Variants in EYA4 observed in about 807,000 individuals in gnomAD.
EYA4 encodes protein phosphatase EYA4.
A neutral mutation model predicts 87.9 loss-of-function variants in EYA4; 31 were observed. The observed-to-expected ratio is 0.35, with a 90% CI of 0.27 to 0.48. EYA4 has a LOEUF of 0.48. Ranked by LOEUF, EYA4 falls within the 20% of genes least tolerant of loss-of-function variation. The pLI is 0.99. For missense variants in EYA4, 678 were observed against 761.4 expected, an observed-to-expected ratio of 0.89 and a Z score of 1.29; for synonymous variants, 263 against 270.6, an observed-to-expected ratio of 0.97 and a Z score of 0.28.
In EYA4 at chr6:133,483,190, A is replaced by G. The variant is rs188098455; in HGVS notation, c.1191+75A>G. The G allele has an allele frequency of 3.2e-4, 366 of 1,134,208 alleles. 3 individuals are homozygous for G. The South Asian group carries it at 3.7e-3, about 12-fold the overall frequency. 70.3% of individuals were successfully genotyped at this position (1,134,208 alleles called of 1,614,324 possible). On this transcript the variant is annotated intron_variant, in intron 13 of 19. Coordinates refer to ENST00000355286, the MANE Select transcript of EYA4 (RefSeq NM_004100.5). ...GTTTGTTTAAAATCAAGGGCTATTT[A>G]AAAATTCTTTTAAGTGTTTTTTTAT...
chr6:133,463,354 CTTTTTTT>C (rs571663764), intron 9 of EYA4, among the ~76,000 whole-genome samples: 8 of 115,248 alleles, frequency 6.9e-5, no homozygotes, highest in Non-Finnish European at 1.8e-5. Context: ...TGTGTTTTAT[CTTTTTTT>C]TTTTTTTTTT....
intron 13 of EYA4, among the ~76,000 whole-genome samples, chr6:133,504,687 A>G (rs1033353605): frequency 5.3e-5 from 8 of 152,200 alleles, no homozygotes; most frequent in Admixed American, 3.3e-4. Context: ...AACATGATGA[A>G]AGGAAATATA....
At chr6:133,499,238 A>G (rs1389900183) in intron 13 of EYA4, among the ~76,000 whole-genome samples, 1 of 152,154 alleles carries the variant, frequency 6.6e-6, no homozygotes, top group Non-Finnish European at 1.5e-5. Context: ...ATTTCCTCCT[A>G]TAGCCATCTC....
intron 2 of EYA4, among the ~76,000 whole-genome samples, chr6:133,369,918 A>C (rs1388785113): frequency 9.6e-6 from 1 of 103,746 alleles, no homozygotes; most frequent in Non-Finnish European, 2.3e-5. Context: ...ATTTCACTGA[A>C]AGACAGGAGC....
intron 13 of EYA4, among the ~76,000 whole-genome samples, chr6:133,485,391 A>G (rs1796604275): frequency 6.6e-6 from 1 of 152,206 alleles, no homozygotes; most frequent in Admixed American, 6.5e-5. Flanking sequence ...TGCGCCAGGC[A>G]GGAAGCATCC....
At chr6:133,381,322 A>G (rs1220283962) in intron 2 of EYA4, among the ~76,000 whole-genome samples, 1 of 152,088 alleles carries the variant, frequency 6.6e-6, no homozygotes, top group East Asian at 1.9e-4. Flanking sequence ...TTGAAAATGT[A>G]GGGTTTTTGT....
chr6:133,483,109 T>C lies in EYA4; in HGVS notation c.1185T>C (p.Tyr395=), dbSNP rs745412542. ...TCACCGGGTCTTATGCACAGAAGTA[T>C]GGCAAGGTAAGAAATCAAGAAATGT... The part of the protein sequence containing the change: ...SLLTGSYAQK[Y]GKDPPMAVTL... Residue 395 remains tyrosine, a synonymous_variant, in exon 13 of 20, where the codon TAT becomes TAC. Transcript: ENST00000355286. 4.3e-6 allele frequency: 7 copies of C among 1,609,748 alleles called. No individual in the cohort carries two copies. Among genetic ancestry groups the C allele is most frequent in the African/African-American group, 1.3e-5 (1 of 74,958 alleles).
chr6:133,368,343 T>C (rs742298), intron 2 of EYA4, among the ~76,000 whole-genome samples: 12,163 of 152,224 alleles, frequency 0.08, 937 homozygotes, highest in East Asian at 0.2. Context: ...CTTTAATGCA[T>C]GAAGAACTTA....
rs1800953826 is a variant in EYA4 at position 133,530,597 on chromosome 6, C to A, written c.*1792C>A. The stretch of plus-strand genomic sequence containing the variant: ...GCTTCAATAAAGTCTACATTTTGCT[C>A]ACAGATCACAACATTCACTGTGGAA... On this transcript the variant is annotated 3_prime_UTR_variant, in exon 20 of 20. Coordinates refer to ENST00000355286, the MANE Select transcript of EYA4 (RefSeq NM_004100.5). 1.0e-6 allele frequency: 1 copy of A among 985,716 alleles called. No homozygotes were observed. Among genetic ancestry groups the A allele is most frequent in the Non-Finnish European group, 1.2e-6 (1 of 829,946 alleles). The allele number at this position is 985,716 out of a possible 1,614,324, so 61.1% of individuals were successfully genotyped here.
chr6:133,525,401 A>G, intron 19 of EYA4, 147 bp downstream of exon 19: 1 of 741,740 alleles, frequency 1.3e-6, no homozygotes. Context: ...CAATACTTAC[A>G]TTCAAATAAA....
At chr6:133,318,313 T>C (rs9493590) in intron 2 of EYA4, among the ~76,000 whole-genome samples, 2,830 of 152,294 alleles carry the variant, frequency 0.019, 95 homozygotes, top group African/African-American at 0.065. Flanking sequence ...TTACCACAAG[T>C]GTAGAATCGG....
At chr6:133,245,341 C>T (rs1369430979) in intron 1 of EYA4, 2 of 152,182 alleles carry the variant, frequency 1.3e-5, no homozygotes, top group East Asian at 1.9e-4. Context: ...CTGAACAAAC[C>T]TCTATCAAAA....
intron 11 of EYA4, among the ~76,000 whole-genome samples, chr6:133,477,259 CCA>C (rs1280489053): frequency 1.3e-5 from 2 of 152,066 alleles, no homozygotes; most frequent in East Asian, 1.9e-4. Flanking sequence ...TTTCTGTCCG[CCA>C]CAGTGTCTCC....
At chr6:133,428,341 C>T (rs1790859319) in intron 3 of EYA4, among the ~76,000 whole-genome samples, 1 of 152,134 alleles carries the variant, frequency 6.6e-6, no homozygotes, top group Non-Finnish European at 1.5e-5. Context: ...AGGGCTGAGG[C>T]TGCAGATAAG....
chr6:133,462,356 T>C lies in EYA4; in HGVS notation c.459T>C (p.Ser153=). The change falls in exon 8 of 20, where the codon TCT becomes TCC. Residue 153 remains serine (S), a synonymous_variant. Transcript: ENST00000355286. Reference sequence around the variant, plus strand: ...TTAGGCCCTATCCACACATTCTTTCTACACCAGCAGCTCAAACAATGTCTG... The same window carrying C: ...TTAGGCCCTATCCACACATTCTTTCCACACCAGCAGCTCAAACAATGTCTG... ...YPSKPYPHIL[S]TPAAQTMSAY... is the part of the protein sequence containing the mutation. 1.2e-6 allele frequency: 2 copies of C among 1,614,098 alleles called. No individual in the cohort carries two copies. Among genetic ancestry groups the C allele is most frequent in the Non-Finnish European group, 1.7e-6 (2 of 1,179,934 alleles).
intron 14 of EYA4, among the ~76,000 whole-genome samples, chr6:133,511,428 A>T (rs1799126360): frequency 6.6e-6 from 1 of 152,094 alleles, no homozygotes; most frequent in Admixed American, 6.6e-5. Flanking sequence ...ATGCTAAACC[A>T]TACTTACTCT....
intron 5 of EYA4, 58 bp from the exon 6 acceptor site, chr6:133,456,498 C>T (rs1793915480): frequency 1.7e-6 from 2 of 1,172,632 alleles, no homozygotes; most frequent in Non-Finnish European, 2.6e-6. Context: ...GTAGAACGGA[C>T]AGAGTCTTTG....
intron 3 of EYA4, among the ~76,000 whole-genome samples, chr6:133,383,078 G>A (rs1786373842): frequency 6.6e-6 from 1 of 152,184 alleles, no homozygotes; most frequent in Non-Finnish European, 1.5e-5. Context: ...GAATGGATAA[G>A]TAAAAGTATC....
At chr6:133,494,043 T>G (rs1797416539) in intron 13 of EYA4, among the ~76,000 whole-genome samples, 2 of 152,166 alleles carry the variant, frequency 1.3e-5, no homozygotes, top group Non-Finnish European at 2.9e-5. Flanking sequence ...AAAATAGAAC[T>G]ACCATGTGAT....
Sources: gnomAD v4.1 joint callset for allele counts (sites outside exome capture counted in the v4.1 genomes callset) on GRCh38, gnomAD v4.1.1 for gene constraint, MANE v1.5 for transcripts, NCBI Gene and HGNC (gene_info 2026-07-23, HGNC 2026-07-21) for gene names.